Variants in AQP9 observed in about 807,000 individuals in gnomAD.
AQP9 encodes the protein aquaporin-9.
A neutral mutation model predicts 23.8 loss-of-function variants in AQP9; 19 were observed. That is an observed-to-expected ratio of 0.80 (90% CI 0.56 to 1.17). AQP9 has a LOEUF of 1.17. Ranked by LOEUF, AQP9 falls within the 50% of genes most tolerant of loss-of-function variation. The pLI, the probability that AQP9 is intolerant of heterozygous loss-of-function variation, is 0.00. For synonymous variants in AQP9, 153 were observed against 131.5 expected (o/e 1.16, Z -1.12); for missense variants, 413 against 362.0 (o/e 1.14, Z -1.14).
chr15:58,183,818 A>G, intron 5 of AQP9, 143 bp from the exon 6 acceptor site: 1 of 838,238 alleles, frequency 1.2e-6, no homozygotes, highest in Non-Finnish European at 1.9e-6. Flanking sequence ...GCCATGCTGC[A>G]CTGAGCCCCC....
intron 1 of AQP9, among the ~76,000 whole-genome samples, chr15:58,166,063 G>A (rs536346097): frequency 4.6e-5 from 7 of 152,308 alleles, no homozygotes; most frequent in African/African-American, 1.7e-4. Flanking sequence ...TTTATTGGAT[G>A]TGTGTATGGT....
chr15:58,138,887 G>C (rs1218431836), intron 1 of AQP9: 10 of 490,650 alleles, frequency 2.0e-5, no homozygotes, highest in Non-Finnish European at 3.3e-5. Context: ...ACCCACAAAA[G>C]TTGATGGGAA....
chr15:58,144,622 A>T (rs1195154682), intron 1 of AQP9, among the ~76,000 whole-genome samples: 1 of 152,046 alleles, frequency 6.6e-6, no homozygotes, highest in Non-Finnish European at 1.5e-5. Context: ...TATTTTCTGG[A>T]GCACTTTGTA....
chr15:58,171,761 G>A (rs954960598), intron 2 of AQP9, among the ~76,000 whole-genome samples: 1 of 152,132 alleles, frequency 6.6e-6, no homozygotes, highest in Non-Finnish European at 1.5e-5. Context: ...TGGAGACTTG[G>A]AAAAAGCATA....
At chr15:58,138,287 G>T, upstream of AQP9, 2 of 248,634 alleles carry the variant, frequency 8.0e-6, no homozygotes, top group Non-Finnish European at 7.9e-6. Flanking sequence ...TAAAGGTAAT[G>T]ATTAATCTGT....
At chr15:58,172,825 C>G (rs1216903827) in intron 2 of AQP9, among the ~76,000 whole-genome samples, 4 of 152,130 alleles carry the variant, frequency 2.6e-5, no homozygotes, top group African/African-American at 9.7e-5. Context: ...TTATACCTGA[C>G]TCTCTTTTCA....
In AQP9 at chr15:58,145,013, C is replaced by CAAA. The variant is rs66782655; in HGVS notation, c.111+6355_111+6357dup. 2.2e-4 allele frequency among the ~76,000 whole-genome samples: 11 copies of CAAA among 50,726 alleles called. 1 individual carries two copies. The highest frequency in any genetic ancestry group is 9.7e-4 in the Admixed American group (5 of 5,130). 33.3% of individuals were successfully genotyped at this position (50,726 alleles called of 152,430 possible). On this transcript the variant is annotated intron_variant, in intron 1 of 5. Transcript: ENST00000219919. ...TGGGCGATGAAGTGAGACTCCATCT[C>CAAA]AAAAAAAAAAAAAAAAAAAAGATAA...
At position 58,179,324 on chromosome 15, in the gene AQP9, G is replaced by C. The variant is rs988442926; in HGVS notation, c.692G>C (p.Gly231Ala). Residue 231 changes from glycine to alanine, a missense_variant, in exon 5 of 6, where the codon GGC becomes GCC. Coordinates refer to ENST00000219919, the MANE Select transcript of AQP9 (RefSeq NM_020980.5). ...LSPRLFTALAGWGFEVFRAGN... is the reference protein window; with the variant it reads ...LSPRLFTALAAWGFEVFRAGN... Reference sequence around the variant, plus strand: ...CCCAGACTTTTCACTGCCTTGGCAGGCTGGGGGTTTGAAGTCTTCAGGTAA... The same window carrying C: ...CCCAGACTTTTCACTGCCTTGGCAGCCTGGGGGTTTGAAGTCTTCAGGTAA... 1 of 1,613,232 alleles carries C rather than the reference G, an allele frequency of 6.2e-7. No individual in the cohort carries two copies. The highest frequency in any genetic ancestry group is 1.3e-5 in the African/African-American group (1 of 74,926).
chr15:58,176,506 G>A (rs1397103047), intron 4 of AQP9, among the ~76,000 whole-genome samples: 1 of 151,674 alleles, frequency 6.6e-6, no homozygotes, highest in Non-Finnish European at 1.5e-5. Flanking sequence ...CAAAAAAGAA[G>A]AAAATTAGAT....
chr15:58,164,719 G>A (rs1222811472), intron 1 of AQP9, among the ~76,000 whole-genome samples: 4 of 152,024 alleles, frequency 2.6e-5, no homozygotes, highest in Non-Finnish European at 4.4e-5. Context: ...TAGAACTGGG[G>A]ACTAGAAGGG....
chr15:58,168,922 T>A (rs1186827892), intron 2 of AQP9, among the ~76,000 whole-genome samples: 1 of 152,196 alleles, frequency 6.6e-6, no homozygotes, highest in African/African-American at 2.4e-5. Context: ...TTTGCCTGCA[T>A]AACACCCTGA....
intron 1 of AQP9, among the ~76,000 whole-genome samples, chr15:58,139,041 G>T (rs1340193851): frequency 6.6e-6 from 1 of 152,078 alleles, no homozygotes; most frequent in East Asian, 1.9e-4. Flanking sequence ...CAAGCATTGG[G>T]GTGACTCAGC....
chr15:58,175,890 G>T (rs909192183), intron 4 of AQP9, among the ~76,000 whole-genome samples: 3 of 152,158 alleles, frequency 2.0e-5, no homozygotes, highest in Admixed American at 1.3e-4. Flanking sequence ...CAGGCAACAA[G>T]TGTTCATTAA....
Position 58,179,151 on chromosome 15 carries a change from C to T in AQP9, c.519C>T (p.Leu173=). ...AGGTGGTGGCCACCATGATACTCCT[C>T]ATAATCGTCTTTGCCATCTTTGACT... is the stretch of plus-strand genomic sequence containing the variant. ...ADQVVATMIL[L]IIVFAIFDSR... The change falls in exon 5 of 6, where the codon CTC becomes CTT. Residue 173 remains leucine, a synonymous_variant. Coordinates refer to ENST00000219919, the MANE Select transcript of AQP9 (RefSeq NM_020980.5). The T allele has an allele frequency of 3.7e-6, 6 of 1,613,374 alleles. No individual in the cohort carries two copies. Among genetic ancestry groups the T allele is most frequent in the Non-Finnish European group, 5.1e-6 (6 of 1,179,294 alleles).
chr15:58,147,580 G>C (rs1433825501), intron 1 of AQP9, among the ~76,000 whole-genome samples: 2 of 152,052 alleles, frequency 1.3e-5, no homozygotes, highest in Non-Finnish European at 2.9e-5. Context: ...AGCTTGGCTG[G>C]TCATGCTAAG....
chr15:58,139,872 G>T (rs1330393015), intron 1 of AQP9, among the ~76,000 whole-genome samples: 1 of 152,142 alleles, frequency 6.6e-6, no homozygotes, highest in East Asian at 1.9e-4. Flanking sequence ...TGGCTGCTCT[G>T]ACCACACTCA....
chr15:58,175,892 G>C (rs1468895377), intron 4 of AQP9, among the ~76,000 whole-genome samples: 1 of 152,162 alleles, frequency 6.6e-6, no homozygotes, highest in Non-Finnish European at 1.5e-5. Flanking sequence ...GGCAACAAGT[G>C]TTCATTAAAA....
chr15:58,139,019 G>A (rs946035646), intron 1 of AQP9, among the ~76,000 whole-genome samples: 1 of 152,136 alleles, frequency 6.6e-6, no homozygotes, highest in African/African-American at 2.4e-5. Flanking sequence ...TTTGTACCCT[G>A]CTTGCTTCCT....
intron 2 of AQP9, among the ~76,000 whole-genome samples, chr15:58,170,425 T>A (rs1248109124): frequency 1.3e-5 from 2 of 151,978 alleles, no homozygotes; most frequent in African/African-American, 4.8e-5. Context: ...TTTTTTTTTT[T>A]AATGGAGTCT....
Sources: allele counts gnomAD v4.1 joint callset (sites outside exome capture counted in the v4.1 genomes callset), GRCh38; gene constraint gnomAD v4.1.1; transcripts MANE v1.5; gene names NCBI Gene and HGNC (gene_info 2026-07-23, HGNC 2026-07-21).